STK32B: variants seen among roughly 807,000 people sequenced by gnomAD.
STK32B encodes serine/threonine-protein kinase 32B.
A neutral mutation model predicts 52.6 loss-of-function variants in STK32B; 43 were observed. That is an observed-to-expected ratio of 0.82 (90% CI 0.64 to 1.05). STK32B has a LOEUF of 1.05. STK32B is among the 50% of genes least tolerant of loss of function. The pLI is 0.00. For synonymous variants in STK32B, 238 were observed against 204.3 expected (o/e 1.17, Z -1.41); for missense variants, 621 against 534.6 (o/e 1.16, Z -1.59).
chr4:5,334,461 C>A (rs1378583215), intron 4 of STK32B, among the ~76,000 whole-genome samples: 1 of 152,092 alleles, frequency 6.6e-6, no homozygotes, highest in South Asian at 2.1e-4. Context: ...TAATTGAATA[C>A]CCTTTATTTC....
chr4:5,346,926 G>C (rs377383298), intron 4 of STK32B, among the ~76,000 whole-genome samples: 3 of 152,224 alleles, frequency 2.0e-5, no homozygotes, highest in Non-Finnish European at 4.4e-5. Context: ...ATGGTGGCAA[G>C]TAAGAGAGAG....
chr4:5,166,782 C>G (rs1410536905), intron 2 of STK32B, among the ~76,000 whole-genome samples: 1 of 152,088 alleles, frequency 6.6e-6, no homozygotes, highest in Non-Finnish European at 1.5e-5. Flanking sequence ...GGTACTGTTA[C>G]AGCAACCTGA....
chr4:5,115,117 C>G (rs1714645007), intron 1 of STK32B, among the ~76,000 whole-genome samples: 1 of 152,184 alleles, frequency 6.6e-6, no homozygotes, highest in Non-Finnish European at 1.5e-5. Flanking sequence ...TTGGGCAATT[C>G]TCTGTGAGTG....
chr4:5,395,620 G>T lies in STK32B; in HGVS notation c.435-2587G>T, dbSNP rs1009294892. 4.6e-5 allele frequency among the ~76,000 whole-genome samples: 7 copies of T among 152,198 alleles called. No individual in the cohort carries two copies. The highest frequency in any genetic ancestry group is 1.3e-4 in the Admixed American group (2 of 15,280). Reference sequence around the variant, plus strand: ...ATGCAAGCTCCATTCAGTTGGGTCTGTCTTGTTCACGACGTGTCCTTCATG... The same window carrying T: ...ATGCAAGCTCCATTCAGTTGGGTCTTTCTTGTTCACGACGTGTCCTTCATG... On this transcript the variant is annotated intron_variant, in intron 4 of 11. Transcript: ENST00000282908. This position sits in a 1 kb window ranked among gnomAD's most constrained non-coding sequence, Gnocchi z 4.4.
Position 5,188,389 on chromosome 4 carries a change from G to A in STK32B, c.260+19939G>A, listed in dbSNP as rs761611029. ...ACTGTGGTGCCCTTGATCCTCAAGTGTTTGAAAGTCACATGGCAGCTCCCC... is the reference window on the plus strand; with the variant it reads ...ACTGTGGTGCCCTTGATCCTCAAGTATTTGAAAGTCACATGGCAGCTCCCC... On this transcript the variant is annotated intron_variant, in intron 3 of 11. Coordinates refer to ENST00000282908, the MANE Select transcript of STK32B (RefSeq NM_018401.3). 2.0e-5 allele frequency among the ~76,000 whole-genome samples: 3 copies of A among 152,294 alleles called. No homozygotes were observed. The South Asian group carries it at 6.2e-4, about 32-fold the overall frequency.
chr4:5,167,096 CT>C (rs1414886408), intron 2 of STK32B, among the ~76,000 whole-genome samples: 5 of 152,180 alleles, frequency 3.3e-5, no homozygotes, highest in Non-Finnish European at 7.3e-5. Context: ...CCCTCAAAGC[CT>C]CTTCCTTCAC....
chr4:5,110,469 C>G (rs1405209055), intron 1 of STK32B, among the ~76,000 whole-genome samples: 1 of 151,618 alleles, frequency 6.6e-6, no homozygotes, highest in Non-Finnish European at 1.5e-5. Flanking sequence ...CTGCAACCAA[C>G]TTGTCTTGGG....
At chr4:5,057,821 A>G (rs1412262187) in intron 1 of STK32B, among the ~76,000 whole-genome samples, 1 of 152,212 alleles carries the variant, frequency 6.6e-6, no homozygotes, top group Admixed American at 6.5e-5. Context: ...TGAGATGAAG[A>G]AACTGTTCTA....
At chr4:5,059,078 T>TTTTTTTTTTTTTTTTTTTG (rs1577039998) in intron 1 of STK32B, among the ~76,000 whole-genome samples, 1 of 124,446 alleles carries the variant, frequency 8.0e-6, no homozygotes, top group African/African-American at 2.8e-5. Context: ...TTTTTTTTTT[T>TTTTTTTTTTTTTTTTTTTG]TTTGTAGAGC....
At chr4:5,488,314 C>A (rs116717736) in intron 11 of STK32B, among the ~76,000 whole-genome samples, 1 of 152,172 alleles carries the variant, frequency 6.6e-6, no homozygotes, top group South Asian at 2.1e-4. Context: ...AAAACAAAAT[C>A]AATGTAAGAT....
chr4:5,100,384 TC>T (rs1303454426), intron 1 of STK32B, among the ~76,000 whole-genome samples: 2 of 128,146 alleles, frequency 1.6e-5, no homozygotes, highest in South Asian at 2.8e-4. Context: ...GCCTTCTTCT[TC>T]CTTCCTTCCT....
intron 4 of STK32B, among the ~76,000 whole-genome samples, chr4:5,332,083 T>G (rs558155613): frequency 4.8e-4 from 73 of 152,326 alleles, no homozygotes; most frequent in African/African-American, 1.6e-3. Context: ...GCTGATATCC[T>G]TGTAACTTAA....
At chr4:5,065,271 GT>G (rs748664498) in intron 1 of STK32B, among the ~76,000 whole-genome samples, 3 of 152,166 alleles carry the variant, frequency 2.0e-5, no homozygotes, top group Non-Finnish European at 4.4e-5. Context: ...ACTCTAGGAG[GT>G]ATAGAAGCAG....
At chr4:5,324,751 C>A (rs2108944499) in intron 3 of STK32B, among the ~76,000 whole-genome samples, 1 of 151,678 alleles carries the variant, frequency 6.6e-6, no homozygotes. Flanking sequence ...GAGTGATGGA[C>A]AAGAGGACAG....
upstream of STK32B, among the ~76,000 whole-genome samples, chr4:5,046,777 A>G (rs1261908479): frequency 1.3e-5 from 2 of 152,340 alleles, no homozygotes; most frequent in East Asian, 3.9e-4. Context: ...GCAAATCAAA[A>G]CCACAATGAG....
intron 6 of STK32B, chr4:5,435,859 G>A (rs1714021889): frequency 6.6e-6 from 1 of 152,278 alleles, no homozygotes; most frequent in Non-Finnish European, 1.5e-5. Flanking sequence ...GGAGGGAGAT[G>A]GTAAGGAAGT....
chr4:5,282,145 C>A (rs574796625), intron 3 of STK32B, among the ~76,000 whole-genome samples: 1 of 152,104 alleles, frequency 6.6e-6, no homozygotes, highest in South Asian at 2.1e-4. Flanking sequence ...TAAAGTAGTC[C>A]CACTTATCCA....
intron 3 of STK32B, among the ~76,000 whole-genome samples, chr4:5,168,866 G>A (rs1287604847): frequency 6.6e-6 from 1 of 152,114 alleles, no homozygotes; most frequent in East Asian, 1.9e-4. Context: ...CATCACGGAC[G>A]TACCAAATTC....
chr4:5,055,112 A>G (rs1560128416), intron 1 of STK32B, among the ~76,000 whole-genome samples: 1 of 152,076 alleles, frequency 6.6e-6, no homozygotes, highest in Non-Finnish European at 1.5e-5. Context: ...TTAAAAAACA[A>G]AAGGTCTCAC....
Sources: allele counts gnomAD v4.1 joint callset (sites outside exome capture counted in the v4.1 genomes callset), GRCh38; gene constraint gnomAD v4.1.1; non-coding constraint Gnocchi (gnomAD v3.1); transcripts MANE v1.5; gene names NCBI Gene and HGNC (gene_info 2026-07-23, HGNC 2026-07-21).